The following TRMT44 variants were observed in gnomAD, a reference collection of about 807,000 sequenced individuals.
TRMT44 encodes probable tRNA (uracil-O(2)-)-methyltransferase.
TRMT44 carries 78 observed loss-of-function variants against 77.3 expected under a neutral mutation model. That is an observed-to-expected ratio of 1.01 (90% CI 0.84 to 1.22). TRMT44 has a LOEUF of 1.22. Among genes scored for constraint, TRMT44 ranks in the 50% most tolerant of loss-of-function variants. The pLI is 0.00. For missense variants in TRMT44, 1,090 were observed against 964.4 expected (o/e 1.13, Z -1.73); for synonymous variants, 391 against 383.3 (o/e 1.02, Z -0.23).
intron 2 of TRMT44, chr4:8,493,215 C>A (rs143523690): frequency 2.2e-4 from 34 of 152,282 alleles, no homozygotes; most frequent in African/African-American, 7.7e-4. Flanking sequence ...TCTGAACCTC[C>A]TTAAATTGCT....
chr4:8,516,280 T>C, the TRMT44 span, among the ~76,000 whole-genome samples: 11 of 152,130 alleles, frequency 7.2e-5, no homozygotes, highest in Non-Finnish European at 1.5e-4. Context: ...GCCTGAGCAC[T>C]GGGAACGTGT....
At chr4:8,492,562 T>C (rs1222082355) in intron 2 of TRMT44, among the ~76,000 whole-genome samples, 1 of 152,138 alleles carries the variant, frequency 6.6e-6, no homozygotes, top group African/African-American at 2.4e-5. Flanking sequence ...CCAAAATCAC[T>C]AACCCAAAGC....
At chr4:8,513,122 A>G in the TRMT44 span, among the ~76,000 whole-genome samples, 1 of 152,336 alleles carries the variant, frequency 6.6e-6, no homozygotes, top group East Asian at 1.9e-4. Flanking sequence ...CATGTTGGTC[A>G]GGCTGGTCTC....
chr4:8,477,021 G>C (rs754116370), downstream of TRMT44: 3 of 152,256 alleles, frequency 2.0e-5, no homozygotes, highest in Non-Finnish European at 2.9e-5. Context: ...CATGACAGCT[G>C]CGAGCCATGG....
At chr4:8,482,072 G>T (rs573354102) in intron 2 of TRMT44, among the ~76,000 whole-genome samples, 2 of 152,220 alleles carry the variant, frequency 1.3e-5, no homozygotes, top group Admixed American at 6.5e-5. Context: ...CAAAGCTTTT[G>T]CTAAACCCTT....
intron 2 of TRMT44, among the ~76,000 whole-genome samples, chr4:8,487,166 T>G (rs1024237257): frequency 6.6e-6 from 1 of 152,206 alleles, no homozygotes; most frequent in Non-Finnish European, 1.5e-5. Flanking sequence ...ATTTTCTGGC[T>G]ATTTGGAACT....
At chr4:8,482,603 G>C (rs1025341201) in intron 2 of TRMT44, among the ~76,000 whole-genome samples, 2 of 152,186 alleles carry the variant, frequency 1.3e-5, no homozygotes, top group Non-Finnish European at 2.9e-5. Context: ...GGGGTCGCAA[G>C]GTGCTCAGTG....
intron 9 of TRMT44, 99 bp from the exon 10 acceptor site, chr4:8,470,985 G>T: frequency 2.5e-6 from 2 of 785,156 alleles, no homozygotes; most frequent in Non-Finnish European, 2.1e-6. Context: ...CATAACGCGT[G>T]TGAGTGTATG....
At chr4:8,506,067 A>T in the TRMT44 span, among the ~76,000 whole-genome samples, 2 of 152,232 alleles carry the variant, frequency 1.3e-5, no homozygotes, top group African/African-American at 4.8e-5. Context: ...CACACAGCAA[A>T]TCACAGCACC....
At chr4:8,485,464 G>T (rs1409909867) in intron 2 of TRMT44, among the ~76,000 whole-genome samples, 3 of 152,174 alleles carry the variant, frequency 2.0e-5, no homozygotes, top group Non-Finnish European at 4.4e-5. Flanking sequence ...AGCCCATGCT[G>T]TAGCAGGTGA....
At chr4:8,463,685 CCTT>C (rs1168735291) in intron 6 of TRMT44, among the ~76,000 whole-genome samples, 2 of 152,326 alleles carry the variant, frequency 1.3e-5, no homozygotes, top group East Asian at 1.9e-4. Flanking sequence ...TCCTGGAGCT[CCTT>C]CTTATGCCTG....
At position 8,451,917 on chromosome 4, in the gene TRMT44, G is replaced by A; in HGVS notation, c.955-43G>A. ...ACTTAAAGTATTGGGAAATGGTGGT[G>A]GGGAAACCGAACAATTTATGTTTGC... On this transcript the variant is annotated intron_variant, in intron 3 of 10. Transcript: ENST00000389737. The surrounding 1 kb of genome is among the most constrained non-coding windows in gnomAD (Gnocchi z 4.1). 2 of 1,513,686 alleles carry A rather than the reference G, an allele frequency of 1.3e-6. No individual in the cohort carries two copies. The highest frequency in any genetic ancestry group is 1.2e-5 in the South Asian group (1 of 83,522). 93.8% of individuals were successfully genotyped at this position (1,513,686 alleles called of 1,614,324 possible). A position where few individuals can be genotyped will look rare whatever the true frequency, so the allele number is the denominator to read the frequency against.
rs980693445 is a variant in TRMT44, at chr4:8,475,527, C to T, written c.2045-245C>T. On this transcript the variant is annotated intron_variant, in intron 10 of 10. Coordinates refer to ENST00000389737, the MANE Select transcript of TRMT44 (RefSeq NM_152544.3). ...CTAAAATGCTCTTCCTGGGTCTGCG[C>T]AGGGCTGCCGCTCACTTCCCGCAGG... Among the ~76,000 whole-genome samples the T allele has an allele frequency of 2.0e-5, 3 of 152,278 alleles. No homozygotes were observed. In the South Asian group the frequency reaches 6.2e-4, roughly 32 times the overall value.
chr4:8,491,953 C>T (rs1728021289), intron 2 of TRMT44, among the ~76,000 whole-genome samples: 1 of 152,370 alleles, frequency 6.6e-6, no homozygotes, highest in East Asian at 1.9e-4. Flanking sequence ...GTGAGGACTG[C>T]CAGCACGCTG....
chr4:8,443,876 C>T (rs1029421502), intron 1 of TRMT44, among the ~76,000 whole-genome samples: 1 of 151,694 alleles, frequency 6.6e-6, no homozygotes, highest in African/African-American at 2.4e-5. Flanking sequence ...AGAAGAATGA[C>T]GTGAACCCGG....
At chr4:8,513,362 G>A in the TRMT44 span, among the ~76,000 whole-genome samples, 3 of 152,140 alleles carry the variant, frequency 2.0e-5, no homozygotes, top group South Asian at 2.1e-4. Context: ...TCACTATCAC[G>A]AGAACAGCAC....
At chr4:8,486,171 G>T (rs548465863) in intron 2 of TRMT44, among the ~76,000 whole-genome samples, 10 of 152,316 alleles carry the variant, frequency 6.6e-5, no homozygotes, top group Non-Finnish European at 1.3e-4. Flanking sequence ...CGCACAGATG[G>T]GACACAGCTT....
intron 1 of TRMT44, among the ~76,000 whole-genome samples, chr4:8,443,016 G>T (rs1724846848): frequency 6.6e-6 from 1 of 152,132 alleles, no homozygotes; most frequent in Non-Finnish European, 1.5e-5. Flanking sequence ...GGGTATTACG[G>T]CATGGACACT....
intron 2 of TRMT44, among the ~76,000 whole-genome samples, chr4:8,447,822 A>G (rs948807050): frequency 1.1e-4 from 16 of 152,202 alleles, no homozygotes; most frequent in Non-Finnish European, 1.5e-4. Context: ...AGGAGAAGCC[A>G]TGCTTACCTG....
Sources: allele counts gnomAD v4.1 joint callset (sites outside exome capture counted in the v4.1 genomes callset), GRCh38; gene constraint gnomAD v4.1.1; non-coding constraint Gnocchi (gnomAD v3.1); transcripts MANE v1.5; gene names NCBI Gene and HGNC (gene_info 2026-07-23, HGNC 2026-07-21).